The following SLC13A1 variants were observed in gnomAD, a reference collection of about 807,000 sequenced individuals.
The protein encoded by SLC13A1 is solute carrier family 13 member 1.
A neutral mutation model predicts 70.0 loss-of-function variants in SLC13A1; 65 were observed. The ratio of observed to expected loss-of-function variants is 0.93; its 90% CI spans 0.76 to 1.14. SLC13A1 has a LOEUF of 1.14. Ranked by LOEUF, SLC13A1 falls within the 50% of genes most tolerant of loss-of-function variation. The probability of loss-of-function intolerance (pLI) is 0.00; values close to 1 mark genes in which losing one functional copy is unlikely to be tolerated. For synonymous variants in SLC13A1, 275 were observed against 250.5 expected (o/e 1.10, Z -0.92); for missense variants, 726 against 717.8 (o/e 1.01, Z -0.13).
At position 123,194,794 on chromosome 7, in the gene SLC13A1, G is replaced by A. The variant is rs1310260162; in HGVS notation, c.99+5054C>T. 2.0e-5 allele frequency among the ~76,000 whole-genome samples: 3 copies of A among 152,144 alleles called. No homozygotes were observed. The East Asian group carries it at 5.8e-4, about 30-fold the overall frequency. ...GATGACATACAGCTTTCAAACCTGT[G>A]AATGGAGAGAAGGGTAGTGGCATTC... On this transcript the variant is annotated intron_variant, in intron 1 of 14. Coordinates refer to ENST00000194130, the MANE Select transcript of SLC13A1 (RefSeq NM_022444.4).
intron 7 of SLC13A1, among the ~76,000 whole-genome samples, chr7:123,142,913 G>C (rs963702956): frequency 6.6e-6 from 1 of 151,944 alleles, no homozygotes. Context: ...CACCGCACCC[G>C]GCTGACGAAG....
intron 1 of SLC13A1, among the ~76,000 whole-genome samples, chr7:123,181,366 C>T (rs1309834026): frequency 2.0e-5 from 3 of 152,106 alleles, no homozygotes; most frequent in Admixed American, 6.6e-5. Context: ...ATAATCTAGT[C>T]CATTTTCTTG....
intron 6 of SLC13A1, among the ~76,000 whole-genome samples, chr7:123,154,154 T>G (rs1794643739): frequency 6.6e-6 from 1 of 152,124 alleles, no homozygotes; most frequent in African/African-American, 2.4e-5. Context: ...GTGAGTTCTC[T>G]CTCAGTGAAT....
chr7:123,195,981 T>G (rs573212167), intron 1 of SLC13A1, among the ~76,000 whole-genome samples: 30 of 152,100 alleles, frequency 2.0e-4, no homozygotes, highest in African/African-American at 7.2e-4. Flanking sequence ...GTTTCATGAA[T>G]AAAAATACAA....
At chr7:123,164,622 GT>G (rs1293783126) in intron 6 of SLC13A1, among the ~76,000 whole-genome samples, 1 of 151,152 alleles carries the variant, frequency 6.6e-6, no homozygotes, top group Non-Finnish European at 1.5e-5. Context: ...TTCATTTTAG[GT>G]TTTGGGGGTG....
chr7:123,146,571 A>G (rs1794357746), intron 7 of SLC13A1, among the ~76,000 whole-genome samples: 1 of 152,166 alleles, frequency 6.6e-6, no homozygotes, highest in African/African-American at 2.4e-5. Context: ...CAAATTGAGG[A>G]TTTTTTAACC....
intron 6 of SLC13A1, chr7:123,148,510 A>G (rs558601063): frequency 5.3e-5 from 24 of 453,626 alleles, no homozygotes; most frequent in African/African-American, 3.6e-4. Context: ...GCCAAAAGCA[A>G]CTTCATTCTT....
In SLC13A1 at chr7:123,161,020, A is replaced by T. The variant is rs147261396; in HGVS notation, c.660+7354T>A. Reference sequence around the variant, plus strand: ...AGTAAAAGAGCAAGAGCATAAATACACCAACAAAGTAGACAGAACAAAGTA... The same window carrying T: ...AGTAAAAGAGCAAGAGCATAAATACTCCAACAAAGTAGACAGAACAAAGTA... On this transcript the variant is annotated intron_variant, in intron 6 of 14. Transcript: ENST00000194130. Among the ~76,000 whole-genome samples, 98 of 152,016 alleles carry T rather than the reference A, an allele frequency of 6.4e-4. No individual in the cohort carries two copies. In the Middle Eastern group the frequency reaches 0.014, roughly 21 times the overall value.
intron 8 of SLC13A1, 49 bp from the exon 9 acceptor site, chr7:123,129,530 C>A: frequency 3.7e-6 from 5 of 1,362,086 alleles, no homozygotes; most frequent in Non-Finnish European, 5.2e-6. Context: ...TTACTACCAC[C>A]TCCCTGTAAG....
In SLC13A1 at chr7:123,183,325, T is replaced by C. The variant is rs76117183; in HGVS notation, c.100-2224A>G. 3.8e-3 allele frequency among the ~76,000 whole-genome samples: 579 copies of C among 152,280 alleles called. 4 individuals carry two copies. The highest frequency in any genetic ancestry group is 0.013 in the African/African-American group (547 of 41,574). ...AAAAATAAAGTCTGAATTCCTGCCT[T>C]CTCTTAACAAACTGAGATATTTGGT... is the stretch of plus-strand genomic sequence containing the variant. On this transcript the variant is annotated intron_variant, in intron 1 of 14. Coordinates refer to ENST00000194130, the MANE Select transcript of SLC13A1 (RefSeq NM_022444.4).
rs569310403 is a variant in SLC13A1, at chr7:123,121,348, G to T, written c.1350+1778C>A. Reference sequence around the variant, plus strand: ...TCTGCCAGTATGCTATGGATAACCAGCATGTTTCTTGTTGGCTCTTCATTT... The same window carrying T: ...TCTGCCAGTATGCTATGGATAACCATCATGTTTCTTGTTGGCTCTTCATTT... On this transcript the variant is annotated intron_variant, in intron 12 of 14. Transcript: ENST00000194130. 1.7e-4 allele frequency among the ~76,000 whole-genome samples: 26 copies of T among 152,110 alleles called. No homozygotes were observed. The South Asian group carries it at 5.2e-3, about 30-fold the overall frequency.
chr7:123,124,047 T>C (rs1688801062), intron 11 of SLC13A1, among the ~76,000 whole-genome samples: 2 of 152,238 alleles, frequency 1.3e-5, no homozygotes, highest in African/African-American at 4.8e-5. Context: ...TAAGGTCATA[T>C]ATCTTGTTAA....
In SLC13A1 at chr7:123,199,829, G is replaced by C. The variant is rs770407115; in HGVS notation, c.99+19C>G. 2.4e-5 allele frequency: 38 copies of C among 1,557,592 alleles called. No homozygotes were observed. Among genetic ancestry groups the C allele is most frequent in the Non-Finnish European group, 2.9e-5 (33 of 1,130,024 alleles). Reference sequence around the variant, plus strand: ...AATAAGTCAGGAAATCCACCAGTCTGTTCTCCAGGTTCACTCACCTTGGTG... The same window carrying C: ...AATAAGTCAGGAAATCCACCAGTCTCTTCTCCAGGTTCACTCACCTTGGTG... On this transcript the variant is annotated intron_variant, in intron 1 of 14. Coordinates refer to ENST00000194130, the MANE Select transcript of SLC13A1 (RefSeq NM_022444.4).
At chr7:123,135,202 C>G (rs1306989184) in intron 7 of SLC13A1, among the ~76,000 whole-genome samples, 1 of 152,186 alleles carries the variant, frequency 6.6e-6, no homozygotes, top group African/African-American at 2.4e-5. Flanking sequence ...AAATCAACAA[C>G]TTTTCTTTTT....
chr7:123,165,505 AT>A (rs1160491362), intron 6 of SLC13A1, among the ~76,000 whole-genome samples: 1 of 152,100 alleles, frequency 6.6e-6, no homozygotes, highest in African/African-American at 2.4e-5. Flanking sequence ...CATCTCCTAC[AT>A]TTTTTTCCCT....
At position 123,114,508 on chromosome 7, in the gene SLC13A1, T is replaced by C. The variant is rs1393784546; in HGVS notation, c.*1010A>G. 5 of 152,142 alleles carry C rather than the reference T, an allele frequency of 3.3e-5. No homozygotes were observed. The highest frequency in any genetic ancestry group is 1.2e-4 in the African/African-American group (5 of 41,434). 9.4% of individuals were successfully genotyped at this position (152,142 alleles called of 1,614,324 possible). ...AATACGTCAGCAGTTTTCATTCTTA[T>C]TCTTTTTTCCTTCTTTTTTTCATTT... On this transcript the variant is annotated 3_prime_UTR_variant, in exon 15 of 15. Transcript: ENST00000194130.
intron 6 of SLC13A1, among the ~76,000 whole-genome samples, chr7:123,157,589 T>G (rs1794755038): frequency 6.6e-6 from 1 of 152,076 alleles, no homozygotes; most frequent in Non-Finnish European, 1.5e-5. Context: ...TGTGTGTTTG[T>G]GTGTGTGTGC....
chr7:123,172,929 C>A (rs779881604), intron 2 of SLC13A1, among the ~76,000 whole-genome samples: 4 of 152,032 alleles, frequency 2.6e-5, no homozygotes, highest in Non-Finnish European at 5.9e-5. Context: ...AGGGGGATAT[C>A]ATATACTACA....
At chr7:123,158,394 G>T (rs1794782387) in intron 6 of SLC13A1, among the ~76,000 whole-genome samples, 1 of 151,858 alleles carries the variant, frequency 6.6e-6, no homozygotes, top group Non-Finnish European at 1.5e-5. Flanking sequence ...TAGCTAAAGA[G>T]AAAATTAACT....
Sources: gnomAD v4.1 joint callset for allele counts (sites outside exome capture counted in the v4.1 genomes callset) on GRCh38, gnomAD v4.1.1 for gene constraint, MANE v1.5 for transcripts, NCBI Gene and HGNC (gene_info 2026-07-23, HGNC 2026-07-21) for gene names.